The following CIB1 variants were observed in gnomAD, a reference collection of about 807,000 sequenced individuals.
CIB1 encodes calcium and integrin binding 1, also known as calcium and integrin-binding protein 1.
In CIB1, 19 loss-of-function variants were observed where a neutral mutation model predicts 25.0. That is an observed-to-expected ratio of 0.76 (90% CI 0.53 to 1.12). The LOEUF (loss-of-function observed/expected upper bound fraction) is 1.12, where lower values mean the gene tolerates loss of function less well. Among genes scored for constraint, CIB1 ranks in the 50% most tolerant of loss-of-function variants. The pLI, the probability that CIB1 is intolerant of heterozygous loss-of-function variation, is 0.00. For missense variants in CIB1, 236 were observed against 242.6 expected, an observed-to-expected ratio of 0.97 and a Z score of 0.18; for synonymous variants, 104 against 98.5, an observed-to-expected ratio of 1.06 and a Z score of -0.33.
At chr15:90,256,593 CTTTCTTTCTTTCT>C in the CIB1 span, among the ~76,000 whole-genome samples, 33 of 39,034 alleles carry the variant, frequency 8.5e-4, no homozygotes, top group South Asian at 1.1e-3. Context: ...TTCTTTCTTT[CTTTCTTTCTTTCT>C]TTCCTTCCTT....
Position 90,232,281 on chromosome 15 carries a change from CG to C in CIB1, c.132del (p.Ser44ArgfsTer80), listed in dbSNP as rs1962512430. 1.2e-6 allele frequency: 2 copies of C among 1,612,314 alleles called. No homozygotes were observed. Among genetic ancestry groups the C allele is most frequent in the Non-Finnish European group, 1.7e-6 (2 of 1,178,844 alleles). ...ACTTGTGCCCGAAGTGACGACTCCA[CG>C]CTCCGCTGCTCCTGGGGAAGCAGCT... Reference protein sequence around the residue: ...FCELLPQEQRSVESSLRAQVP... With the variant: ...FCELLPQEQRXVESSLRAQVP... On this transcript the variant is annotated frameshift_variant, in exon 3 of 7. Transcript: ENST00000328649. LOFTEE classifies it high-confidence loss of function.
chr15:90,241,845 CTG>C, the CIB1 span: 5 of 1,614,206 alleles, frequency 3.1e-6, no homozygotes, highest in Non-Finnish European at 4.2e-6. Context: ...CCGAGTAATT[CTG>C]TGGGCCCGGA....
the CIB1 span, chr15:90,253,247 A>C: frequency 4.3e-6 from 7 of 1,612,840 alleles, no homozygotes; most frequent in Non-Finnish European, 5.9e-6. Flanking sequence ...CTGTCTCTGC[A>C]GTGCGTCGGG....
chr15:90,237,459 T>C (rs1487216922), upstream of CIB1, among the ~76,000 whole-genome samples: 6 of 151,824 alleles, frequency 4.0e-5, no homozygotes, highest in African/African-American at 1.5e-4. Context: ...CTAATTTTTG[T>C]ATTTTTAGTA....
At chr15:90,262,245 C>G in the CIB1 span, 1 of 1,446,560 alleles carries the variant, frequency 6.9e-7, no homozygotes, top group Non-Finnish European at 9.1e-7. Flanking sequence ...AGTCCTGAAG[C>G]TGCATTGCTT....
the CIB1 span, among the ~76,000 whole-genome samples, chr15:90,256,966 A>G: frequency 6.0e-4 from 92 of 152,310 alleles, 1 homozygote; most frequent in Admixed American, 1.3e-3. Flanking sequence ...GATTACAGGC[A>G]TGAGCCACCA....
At chr15:90,233,147 A>G (rs1567069596) in intron 2 of CIB1, among the ~76,000 whole-genome samples, 2 of 152,190 alleles carry the variant, frequency 1.3e-5, no homozygotes, top group African/African-American at 4.8e-5. Context: ...ACTTACTCAG[A>G]GTGTTGTCTT....
At chr15:90,264,937 A>C in the CIB1 span, 6 of 1,536,084 alleles carry the variant, frequency 3.9e-6, no homozygotes, top group South Asian at 3.6e-5. Context: ...AGCGTTCCAG[A>C]GCACTCCTCA....
chr15:90,230,105 T>A lies in CIB1; in HGVS notation c.*379A>T. On this transcript the variant is annotated 3_prime_UTR_variant, in exon 7 of 7. Coordinates refer to ENST00000328649, the MANE Select transcript of CIB1 (RefSeq NM_006384.4). ...CTGCTGCCCCTTCATCCTCACACCC[T>A]CCCACGGGGACAGCCAGCGTGGGTG... 1 of 288,698 alleles carries A rather than the reference T, an allele frequency of 3.5e-6. No individual in the cohort carries two copies. Among genetic ancestry groups the A allele is most frequent in the Non-Finnish European group, 6.6e-6 (1 of 150,456 alleles). 17.9% of individuals were successfully genotyped at this position (288,698 alleles called of 1,614,324 possible). A position where few individuals can be genotyped will look rare whatever the true frequency, so the allele number is the denominator to read the frequency against.
At chr15:90,245,570 TTTTTGCAAGC>T in the CIB1 span, 1 of 152,156 alleles carries the variant, frequency 6.6e-6, no homozygotes, top group South Asian at 2.1e-4. Context: ...TCCTTAATAC[TTTTTGCAAGC>T]TTTTGCATGC....
chr15:90,252,209 T>G, the CIB1 span, among the ~76,000 whole-genome samples: 1 of 152,196 alleles, frequency 6.6e-6, no homozygotes, highest in East Asian at 1.9e-4. Flanking sequence ...CTGGCTAATT[T>G]TGTACTTTTA....
rs754731051 is a variant in CIB1 at position 90,231,407 on chromosome 15, C to T, written c.296G>A (p.Ser99Asn). ...EDFLDLLSVF[S>N]DTATPDIKSH... is the part of the protein sequence containing the mutation. ...CTTGATGTCTGGCGTGGCTGTGTCA[C>T]TGAACACACTGAGGAGATCCAGGAA... The change falls in exon 4 of 7, where the codon AGT becomes AAT. Residue 99 changes from serine (S) to asparagine (N), a missense_variant. By Grantham distance (46) the Ser-to-Asn change is conservative. Coordinates refer to ENST00000328649, the MANE Select transcript of CIB1 (RefSeq NM_006384.4). 1 of 1,614,248 alleles carries T rather than the reference C, an allele frequency of 6.2e-7. No homozygotes were observed. Among genetic ancestry groups the T allele is most frequent in the South Asian group, 1.1e-5 (1 of 91,082 alleles).
the CIB1 span, among the ~76,000 whole-genome samples, chr15:90,256,611 TTCC>T: frequency 0.011 from 495 of 43,110 alleles, 16 homozygotes; most frequent in African/African-American, 0.051. Context: ...CTTTCTTTCC[TTCC>T]TTCCTTCCTT....
At chr15:90,253,335 C>G in the CIB1 span, 5 of 1,613,408 alleles carry the variant, frequency 3.1e-6, no homozygotes, top group Non-Finnish European at 4.2e-6. Flanking sequence ...CGCTGTCTCA[C>G]TGGAACGAGT....
At chr15:90,231,251 G>T in intron 4 of CIB1, 38 bp from the exon 5 acceptor site, 1 of 1,611,690 alleles carries the variant, frequency 6.2e-7, no homozygotes, top group Non-Finnish European at 8.5e-7. Context: ...GACACGGTTG[G>T]GAGGGGCTCT....
chr15:90,265,196 T>C, the CIB1 span: 12 of 1,343,832 alleles, frequency 8.9e-6, no homozygotes, highest in African/African-American at 1.0e-4. Context: ...AGGCCAGCCA[T>C]GTACTCATTT....
At chr15:90,255,794 A>G in the CIB1 span, 7 of 1,614,046 alleles carry the variant, frequency 4.3e-6, no homozygotes, top group East Asian at 1.6e-4. Context: ...AATCTGCCGC[A>G]AAGATCTGCT....
chr15:90,265,626 T>A, the CIB1 span: 89 of 1,540,294 alleles, frequency 5.8e-5, no homozygotes, highest in African/African-American at 1.1e-3. Context: ...CTACCCAGCC[T>A]CCGGCCCGCC....
intron 2 of CIB1, 27 bp downstream of exon 2, chr15:90,233,642 G>C: frequency 6.4e-7 from 1 of 1,567,722 alleles, no homozygotes; most frequent in Non-Finnish European, 8.6e-7. Context: ...TCCCGGGGTC[G>C]GAGGCAGGGT....
Sources: allele counts gnomAD v4.1 joint callset (sites outside exome capture counted in the v4.1 genomes callset), GRCh38; gene constraint gnomAD v4.1.1; transcripts MANE v1.5; gene names NCBI Gene and HGNC (gene_info 2026-07-23, HGNC 2026-07-21).